COL18A1: variants seen among roughly 807,000 people sequenced by gnomAD.
COL18A1 encodes collagen alpha-1(XVIII) chain.
A neutral mutation model predicts 168.0 loss-of-function variants in COL18A1; 133 were observed. That is an observed-to-expected ratio of 0.79 (90% CI 0.69 to 0.91). The LOEUF (loss-of-function observed/expected upper bound fraction) is 0.91, where lower values mean the gene tolerates loss of function less well. Ranked by LOEUF, COL18A1 falls within the 40% of genes least tolerant of loss-of-function variation. COL18A1 has a pLI of 0.00. For missense variants in COL18A1, 2,126 were observed against 1,925.4 expected (o/e 1.10, Z -1.95); for synonymous variants, 949 against 809.0 (o/e 1.17, Z -2.94).
At chr21:45,446,198 G>C (rs1203271089) in intron 2 of COL18A1, among the ~76,000 whole-genome samples, 1 of 152,176 alleles carries the variant, frequency 6.6e-6, no homozygotes, top group African/African-American at 2.4e-5. Context: ...TTTCCTCACT[G>C]AACAGTCTCG....
At chr21:45,480,040 G>C in intron 10 of COL18A1, 30 bp from the exon 11 acceptor site, 1 of 1,610,884 alleles carries the variant, frequency 6.2e-7, no homozygotes. Context: ...TGCGTGCCCA[G>C]GGTATGATAG....
chr21:45,409,116 G>A (rs1556325), intron 2 of COL18A1, among the ~76,000 whole-genome samples: 16,071 of 152,152 alleles, frequency 0.11, 1,309 homozygotes, highest in African/African-American at 0.23. Context: ...CAGAGAAGGG[G>A]CCACCCCAGT....
At chr21:45,441,843 C>T (rs1430875813) in intron 2 of COL18A1, among the ~76,000 whole-genome samples, 2 of 152,218 alleles carry the variant, frequency 1.3e-5, no homozygotes, top group Non-Finnish European at 2.9e-5. Flanking sequence ...GCTGGGAACA[C>T]GGCTCTCTCC....
intron 18 of COL18A1, among the ~76,000 whole-genome samples, chr21:45,488,941 G>GC (rs2036206272): frequency 6.6e-6 from 1 of 151,864 alleles, no homozygotes. Context: ...CAGGGCAGGT[G>GC]CCTGAGCAGG....
intron 2 of COL18A1, among the ~76,000 whole-genome samples, chr21:45,426,614 C>T (rs1480415153): frequency 1.3e-5 from 2 of 152,228 alleles, no homozygotes; most frequent in African/African-American, 4.8e-5. Flanking sequence ...TGGAAGCCCC[C>T]AGAAACCCTT....
intron 32 of COL18A1, among the ~76,000 whole-genome samples, chr21:45,501,582 A>C (rs1312701583): frequency 1.3e-5 from 2 of 152,136 alleles, no homozygotes; most frequent in Admixed American, 6.5e-5. Context: ...CGTCCAGGGC[A>C]TCCTCAGCCC....
chr21:45,440,972 T>C (rs1046147454), intron 2 of COL18A1, among the ~76,000 whole-genome samples: 3 of 152,156 alleles, frequency 2.0e-5, no homozygotes, highest in Admixed American at 6.5e-5. Flanking sequence ...CGCTCACTCA[T>C]AGGAGGCTCA....
rs766600640 is a variant in COL18A1, at chr21:45,507,590, G to C, written c.3246G>C (p.Gly1082=). 13 of 1,613,088 alleles carry C rather than the reference G, an allele frequency of 8.1e-6. No individual in the cohort carries two copies. The highest frequency in any genetic ancestry group is 1.1e-5 in the Non-Finnish European group (13 of 1,179,860). ...AGGCCCGGACACCACTCCCACGAGG[G>C]ACGGTAAGGAGCCTTTTTTCTGTTG... ...QLEARTPLPR[G]TDNEVAALQP... Residue 1082 remains glycine, a synonymous_variant, in exon 38 of 42, where the codon GGG becomes GGC. Coordinates refer to ENST00000651438, the MANE Select transcript of COL18A1 (RefSeq NM_001379500.1).
chr21:45,490,664 C>CCTCCGTGTGCCCTCCTGGGTCTCCGTGT (rs2036303049), intron 20 of COL18A1, among the ~76,000 whole-genome samples, 172 bp from the exon 21 acceptor site: 2 of 151,988 alleles, frequency 1.3e-5, no homozygotes, highest in African/African-American at 4.8e-5. Context: ...ACTCCCGGAG[C>CCTCCGTGTGCCCTCCTGGGTCTCCGTGT]GCCAGGAGTT....
chr21:45,492,809 G>C (rs1391222996), intron 24 of COL18A1, 96 bp downstream of exon 24: 4 of 959,784 alleles, frequency 4.2e-6, no homozygotes, highest in African/African-American at 1.6e-5. Context: ...GGTGGGCCTT[G>C]TCAGGCCCGA....
In COL18A1 at chr21:45,471,740, T is replaced by C. The variant is rs1047816384; in HGVS notation, c.652-2155T>C. Reference sequence around the variant, plus strand: ...TTCCAGCTGTGTCCTGATTTCCAGCTGTGTCCTGATTTCCAGCTGTGTCCT... The same window carrying C: ...TTCCAGCTGTGTCCTGATTTCCAGCCGTGTCCTGATTTCCAGCTGTGTCCT... On this transcript the variant is annotated intron_variant, in intron 3 of 41. Coordinates refer to ENST00000651438, the MANE Select transcript of COL18A1 (RefSeq NM_001379500.1). This position sits in a 1 kb window ranked among gnomAD's most constrained non-coding sequence, Gnocchi z 4.4. 2.3e-4 allele frequency among the ~76,000 whole-genome samples: 35 copies of C among 152,188 alleles called. No individual in the cohort carries two copies. Among genetic ancestry groups the C allele is most frequent in the African/African-American group, 7.7e-4 (32 of 41,436 alleles).
At chr21:45,477,548 G>T in intron 7 of COL18A1, 61 bp downstream of exon 7, 3 of 1,494,228 alleles carry the variant, frequency 2.0e-6, no homozygotes, top group Non-Finnish European at 2.7e-6. Flanking sequence ...GGCCTTTTGG[G>T]CCACTCACTG....
In COL18A1 at chr21:45,471,166, G is replaced by C. The variant is rs984672419; in HGVS notation, c.651+2380G>C. On this transcript the variant is annotated intron_variant, in intron 3 of 41. Coordinates refer to ENST00000651438, the MANE Select transcript of COL18A1 (RefSeq NM_001379500.1). This position sits in a 1 kb window ranked among gnomAD's most constrained non-coding sequence, Gnocchi z 4.4. ...GGGCGTGGGTGGCGTGCAGCAGGCC[G>C]TGTGCTGCTGGGCGTGGGTGGCGCG... is the stretch of plus-strand genomic sequence containing the variant. Among the ~76,000 whole-genome samples, 1 of 150,526 alleles carries C rather than the reference G, an allele frequency of 6.6e-6. No homozygotes were observed. Among genetic ancestry groups the C allele is most frequent in the African/African-American group, 2.4e-5 (1 of 40,900 alleles).
intron 2 of COL18A1, among the ~76,000 whole-genome samples, chr21:45,437,702 A>T (rs1244207138): frequency 5.6e-5 from 4 of 71,332 alleles, no homozygotes; most frequent in Non-Finnish European, 5.1e-5. Context: ...ACACACACAC[A>T]CACTCAGACA....
At chr21:45,452,625 GAC>G (rs1236159841) in intron 2 of COL18A1, among the ~76,000 whole-genome samples, 4 of 151,600 alleles carry the variant, frequency 2.6e-5, no homozygotes, top group African/African-American at 7.3e-5. Flanking sequence ...ATTTGTATCT[GAC>G]ATGTAAGCAT....
chr21:45,496,574 TC>T lies in COL18A1; in HGVS notation c.2577+10del. ...CTCCTGTTTACGACAGCAATGTAAG[TC>T]CCCAGGGCACCCACTGTCCTACAGC... On this transcript the variant is annotated splice_region_variant and intron_variant, in intron 30 of 41. Transcript: ENST00000651438. 6 of 1,392,614 alleles carry T rather than the reference TC, an allele frequency of 4.3e-6. No homozygotes were observed. Among genetic ancestry groups the T allele is most frequent in the Non-Finnish European group, 5.1e-6 (5 of 981,996 alleles). The allele number at this position is 1,392,614 out of a possible 1,614,324, so 86.3% of individuals were successfully genotyped here. A position where few individuals can be genotyped will look rare whatever the true frequency, so the allele number is the denominator to read the frequency against.
intron 29 of COL18A1, 111 bp from the exon 30 acceptor site, chr21:45,496,389 G>T (rs553718013): frequency 1.3e-6 from 1 of 775,888 alleles, no homozygotes; most frequent in Non-Finnish European, 2.4e-6. Flanking sequence ...CCTGGTCAGA[G>T]GTCTGCCTGG....
intron 15 of COL18A1, 96 bp downstream of exon 15, chr21:45,482,917 G>A: frequency 6.3e-7 from 1 of 1,584,354 alleles, no homozygotes; most frequent in Middle Eastern, 1.9e-4. Context: ...GGTCGAGAGA[G>A]TGAGCTCTCT....
intron 38 of COL18A1, among the ~76,000 whole-genome samples, chr21:45,508,199 T>TGGGTGAGTGGATGGATGGTGGTCAGGC (rs1220243270): frequency 2.1e-5 from 3 of 144,888 alleles, no homozygotes; most frequent in Admixed American, 6.8e-5. Flanking sequence ...GGTGGACAGG[T>TGGGTGAGTGGATGGATGGTGGTCAGGC]GGGTGAGTGT....
Sources: gnomAD v4.1 joint callset for allele counts (sites outside exome capture counted in the v4.1 genomes callset) on GRCh38, gnomAD v4.1.1 for gene constraint, Gnocchi (gnomAD v3.1) non-coding constraint, MANE v1.5 for transcripts, NCBI Gene and HGNC (gene_info 2026-07-23, HGNC 2026-07-21) for gene names.